The following WWOX variants were observed in gnomAD, a reference collection of about 807,000 sequenced individuals.
The protein encoded by WWOX is WW domain-containing oxidoreductase.
Under a neutral mutation model 46.2 loss-of-function variants are expected in WWOX, and 69 were observed. That is an observed-to-expected ratio of 1.49 (90% CI 1.23 to 1.82). The LOEUF is 1.82. Among genes scored for constraint, WWOX ranks in the 40% most tolerant of loss-of-function variants. The pLI, the probability that WWOX is intolerant of heterozygous loss-of-function variation, is 0.00. For synonymous variants in WWOX, 359 were observed against 202.6 expected (o/e 1.77, Z -6.56); for missense variants, 919 against 542.6 (o/e 1.69, Z -6.89).
chr16:78,806,219 T>C (rs1374774749), intron 8 of WWOX, among the ~76,000 whole-genome samples: 35 of 152,206 alleles, frequency 2.3e-4, no homozygotes, highest in Admixed American at 2.3e-3. Flanking sequence ...CTTGAACTTT[T>C]TCCTCTCAGG....
At chr16:78,841,676 G>A (rs1350575684) in intron 8 of WWOX, among the ~76,000 whole-genome samples, 1 of 152,106 alleles carries the variant, frequency 6.6e-6, no homozygotes, top group Non-Finnish European at 1.5e-5. Context: ...CCTATAAGTA[G>A]GTGCAAACAT....
rs533968853 is a variant in WWOX at position 78,916,162 on chromosome 16, G to A, written c.1057-295446G>A. ...TCTTGATAAAACAATGCTCTCAGCCGAATCCTAAACACGCTGCACAAGGAA... is the reference window on the plus strand; with the variant it reads ...TCTTGATAAAACAATGCTCTCAGCCAAATCCTAAACACGCTGCACAAGGAA... On this transcript the variant is annotated intron_variant, in intron 8 of 8. Transcript: ENST00000566780. 2.1e-3 allele frequency among the ~76,000 whole-genome samples: 313 copies of A among 152,256 alleles called. 1 individual carries two copies. The highest frequency in any genetic ancestry group is 5.9e-3 in the African/African-American group (246 of 41,546).
At chr16:79,011,593 G>A (rs1377194535) in intron 8 of WWOX, among the ~76,000 whole-genome samples, 1 of 151,654 alleles carries the variant, frequency 6.6e-6, no homozygotes, top group Non-Finnish European at 1.5e-5. Flanking sequence ...CCTGGGCTCA[G>A]TCGATCCTCC....
chr16:78,880,477 G>T (rs1268134315), intron 8 of WWOX, among the ~76,000 whole-genome samples: 1 of 152,114 alleles, frequency 6.6e-6, no homozygotes, highest in Non-Finnish European at 1.5e-5. Flanking sequence ...TGTTTAAATA[G>T]TCTACAAAAC....
chr16:78,578,648 A>G (rs2044968259), intron 8 of WWOX, among the ~76,000 whole-genome samples: 1 of 152,144 alleles, frequency 6.6e-6, no homozygotes, highest in African/African-American at 2.4e-5. Context: ...AAAAAGACAG[A>G]TACATAGGCA....
At chr16:78,701,223 T>C (rs1239604339) in intron 8 of WWOX, among the ~76,000 whole-genome samples, 1 of 152,172 alleles carries the variant, frequency 6.6e-6, no homozygotes, top group East Asian at 1.9e-4. Context: ...AGTTATCTAC[T>C]TTACATGTAC....
intron 8 of WWOX, among the ~76,000 whole-genome samples, chr16:78,783,989 A>G (rs1197352590): frequency 6.6e-6 from 1 of 151,900 alleles, no homozygotes; most frequent in Non-Finnish European, 1.5e-5. Flanking sequence ...GATAGTGGTG[A>G]TAATGTTGGT....
chr16:78,222,837 C>T (rs914316558), intron 5 of WWOX, among the ~76,000 whole-genome samples: 5 of 152,194 alleles, frequency 3.3e-5, no homozygotes, highest in African/African-American at 1.2e-4. Flanking sequence ...ACACGCGCTC[C>T]AGATAAGTAA....
intron 8 of WWOX, among the ~76,000 whole-genome samples, chr16:78,722,175 T>C (rs1343578710): frequency 6.6e-6 from 1 of 152,146 alleles, no homozygotes; most frequent in Non-Finnish European, 1.5e-5. Flanking sequence ...TCCCTGTCTG[T>C]CCAGTAGAGG....
chr16:78,629,143 C>T (rs551200848), intron 8 of WWOX, among the ~76,000 whole-genome samples: 2 of 152,098 alleles, frequency 1.3e-5, no homozygotes, highest in South Asian at 4.2e-4. Flanking sequence ...CAAAGGGCAC[C>T]ACTGCTCGCA....
intron 8 of WWOX, among the ~76,000 whole-genome samples, chr16:78,801,382 T>G (rs920331371): frequency 7.2e-5 from 11 of 152,068 alleles, no homozygotes. Flanking sequence ...TGGTGGCATG[T>G]GCTATAATCC....
chr16:78,809,970 C>T (rs1344804384), intron 8 of WWOX, among the ~76,000 whole-genome samples: 1 of 152,198 alleles, frequency 6.6e-6, no homozygotes, highest in African/African-American at 2.4e-5. Flanking sequence ...TCCTGTTCAT[C>T]TGGCAAATCT....
chr16:78,922,501 C>T (rs1178095824), intron 8 of WWOX, among the ~76,000 whole-genome samples: 1 of 151,792 alleles, frequency 6.6e-6, no homozygotes, highest in East Asian at 1.9e-4. Flanking sequence ...GCCTCAGCCT[C>T]CTGAGTCACT....
chr16:79,212,159 C>G lies in WWOX; in HGVS notation c.*363C>G, dbSNP rs1249430475. The stretch of plus-strand genomic sequence containing the variant: ...AGGTCCCCTCGTCCCATCCAGCTAC[C>G]ACCACGGCCACCACTGCAGCCGGGG... On this transcript the variant is annotated 3_prime_UTR_variant, in exon 9 of 9. Coordinates refer to ENST00000566780, the MANE Select transcript of WWOX (RefSeq NM_016373.4). 6.7e-7 allele frequency: 1 copy of G among 1,494,486 alleles called. No homozygotes were observed. Among genetic ancestry groups the G allele is most frequent in the African/African-American group, 1.4e-5 (1 of 71,104 alleles). The allele number at this position is 1,494,486 out of a possible 1,614,324, so 92.6% of individuals were successfully genotyped here.
intron 5 of WWOX, among the ~76,000 whole-genome samples, chr16:78,306,123 T>G (rs1270664552): frequency 6.6e-6 from 1 of 152,128 alleles, no homozygotes; most frequent in Non-Finnish European, 1.5e-5. Context: ...GGATTTGCCT[T>G]CTAGTAATTC....
chr16:79,193,271 A>G (rs1048179631), intron 8 of WWOX, among the ~76,000 whole-genome samples: 3 of 152,214 alleles, frequency 2.0e-5, no homozygotes, highest in East Asian at 1.9e-4. Context: ...TAAAATGACC[A>G]TAATAGTAAG....
chr16:78,600,014 TG>T (rs2045583447), intron 8 of WWOX, among the ~76,000 whole-genome samples: 1 of 152,106 alleles, frequency 6.6e-6, no homozygotes, highest in African/African-American at 2.4e-5. Context: ...TCCACATGGC[TG>T]GGGAGGCCTC....
intron 8 of WWOX, among the ~76,000 whole-genome samples, chr16:79,175,503 C>T (rs1043779173): frequency 7.9e-5 from 12 of 152,240 alleles, no homozygotes; most frequent in Non-Finnish European, 1.3e-4. Flanking sequence ...TGATTAGCTC[C>T]GTGGATATTA....
chr16:78,915,070 G>A (rs2045215906), intron 8 of WWOX, among the ~76,000 whole-genome samples: 1 of 152,118 alleles, frequency 6.6e-6, no homozygotes, highest in African/African-American at 2.4e-5. Flanking sequence ...AGGGCTCTGA[G>A]CAGGAGATGG....
Sources: gnomAD v4.1 joint callset for allele counts (sites outside exome capture counted in the v4.1 genomes callset) on GRCh38, gnomAD v4.1.1 for gene constraint, MANE v1.5 for transcripts, NCBI Gene and HGNC (gene_info 2026-07-23, HGNC 2026-07-21) for gene names.